Variants in PTPRD observed in about 807,000 individuals in gnomAD.
PTPRD encodes protein tyrosine phosphatase receptor type D, also known as receptor-type tyrosine-protein phosphatase delta.
In PTPRD, 34 loss-of-function variants were observed where a neutral mutation model predicts 214.5. That is an observed-to-expected ratio of 0.16 (90% CI 0.12 to 0.21). PTPRD has a LOEUF of 0.21. Among genes scored for constraint, PTPRD ranks in the 10% least tolerant of loss-of-function variants. The pLI, the probability that PTPRD is intolerant of heterozygous loss-of-function variation, is 1.00. For missense variants in PTPRD, 2,545 were observed against 2,398.7 expected (o/e 1.06, Z -1.27); for synonymous variants, 1,128 against 845.7 (o/e 1.33, Z -5.79).
At chr9:9,594,310 C>A (rs2093061406) in intron 7 of PTPRD, among the ~76,000 whole-genome samples, 1 of 151,980 alleles carries the variant, frequency 6.6e-6, no homozygotes, top group South Asian at 2.1e-4. Flanking sequence ...GTTCTTATGG[C>A]ATTTGCTTTT....
chr9:9,871,460 A>G (rs889934643), intron 5 of PTPRD, among the ~76,000 whole-genome samples: 1 of 152,214 alleles, frequency 6.6e-6, no homozygotes, highest in Non-Finnish European at 1.5e-5. Flanking sequence ...AGTATACGAA[A>G]GGATGGGTGA....
chr9:9,338,086 T>C (rs920993741), intron 9 of PTPRD, among the ~76,000 whole-genome samples: 1 of 152,194 alleles, frequency 6.6e-6, no homozygotes, highest in African/African-American at 2.4e-5. Context: ...AAATTACATC[T>C]GAAAAATATC....
At position 8,713,452 on chromosome 9, in the gene PTPRD, G is replaced by A. The variant is rs1036166045; in HGVS notation, c.64+20328C>T. The A allele has an allele frequency of 1.4e-5, 15 of 1,108,544 alleles. No individual in the cohort carries two copies. The East Asian group carries it at 1.4e-4, about 10-fold the overall frequency. The allele number at this position is 1,108,544 out of a possible 1,614,324, so 68.7% of individuals were successfully genotyped here. A position where few individuals can be genotyped will look rare whatever the true frequency, so the allele number is the denominator to read the frequency against. On this transcript the variant is annotated intron_variant, in intron 12 of 45. Transcript: ENST00000381196. ...CGCCAAGTCCCGCTTCTGGTACTTC[G>A]TATCTCAGTTAAAGAAAATGAAGAA...
chr9:8,821,783 G>C (rs1257856279), intron 11 of PTPRD, among the ~76,000 whole-genome samples: 3 of 152,170 alleles, frequency 2.0e-5, no homozygotes, highest in African/African-American at 7.2e-5. Context: ...CTCTGCCTCA[G>C]CCTCCCGAGT....
chr9:9,131,994 G>GT (rs2099843473), intron 10 of PTPRD, among the ~76,000 whole-genome samples: 1 of 151,810 alleles, frequency 6.6e-6, no homozygotes, highest in African/African-American at 2.4e-5. Flanking sequence ...AGGGCCACTA[G>GT]TTTTTTGTTT....
chr9:8,816,900 T>G (rs935349827), intron 11 of PTPRD, among the ~76,000 whole-genome samples: 10 of 152,242 alleles, frequency 6.6e-5, no homozygotes, highest in Admixed American at 2.6e-4. Flanking sequence ...TCTTGCATCT[T>G]GCTGAATCTT....
At chr9:8,321,526 T>TATATATATATATATATATATAA (rs1327118226) in intron 44 of PTPRD, among the ~76,000 whole-genome samples, 2 of 115,760 alleles carry the variant, frequency 1.7e-5, no homozygotes, top group Non-Finnish European at 3.7e-5. Context: ...TATATATATA[T>TATATATATATATATATATATAA]AAAAGGTATA....
At chr9:9,582,308 T>C (rs879277564) in intron 7 of PTPRD, among the ~76,000 whole-genome samples, 34 of 151,846 alleles carry the variant, frequency 2.2e-4, no homozygotes, top group Non-Finnish European at 3.5e-4. Context: ...GGCATGTTCC[T>C]CTTTGTCCCT....
chr9:10,461,213 C>A (rs868014155), intron 2 of PTPRD, among the ~76,000 whole-genome samples: 1 of 140,640 alleles, frequency 7.1e-6, no homozygotes, highest in African/African-American at 2.7e-5. Flanking sequence ...GTTAGGATAA[C>A]TATTATAAAA....
At chr9:10,416,590 A>T (rs1004953728) in intron 2 of PTPRD, among the ~76,000 whole-genome samples, 1 of 151,906 alleles carries the variant, frequency 6.6e-6, no homozygotes, top group Non-Finnish European at 1.5e-5. Flanking sequence ...AACAGTGAAA[A>T]TTGTCAAATA....
chr9:10,250,700 G>A (rs1444446649), intron 3 of PTPRD, among the ~76,000 whole-genome samples: 2 of 151,932 alleles, frequency 1.3e-5, no homozygotes, highest in Non-Finnish European at 2.9e-5. Context: ...TGGAACTATA[G>A]GCTATATGTT....
At chr9:10,472,842 T>A (rs192680971) in intron 2 of PTPRD, among the ~76,000 whole-genome samples, 269 of 151,974 alleles carry the variant, frequency 1.8e-3, no homozygotes, top group African/African-American at 5.8e-3. Context: ...TAATTATAAC[T>A]CAAGTTATTT....
intron 8 of PTPRD, among the ~76,000 whole-genome samples, chr9:9,565,977 G>C (rs1425958638): frequency 6.6e-6 from 1 of 151,890 alleles, no homozygotes; most frequent in African/African-American, 2.4e-5. Context: ...GTGTCAGATG[G>C]ATTTATAAAT....
chr9:10,145,790 A>T (rs1162624794), intron 3 of PTPRD, among the ~76,000 whole-genome samples: 1 of 152,142 alleles, frequency 6.6e-6, no homozygotes, highest in Non-Finnish European at 1.5e-5. Flanking sequence ...TCAAAGTATG[A>T]TATGATATGC....
At chr9:9,332,693 T>C (rs1436925473) in intron 9 of PTPRD, among the ~76,000 whole-genome samples, 1 of 151,906 alleles carries the variant, frequency 6.6e-6, no homozygotes, top group African/African-American at 2.4e-5. Context: ...TTTGAAGTAA[T>C]TGGTTCACAG....
intron 2 of PTPRD, among the ~76,000 whole-genome samples, chr9:10,456,110 G>A (rs941801859): frequency 6.6e-6 from 1 of 151,750 alleles, no homozygotes; most frequent in Admixed American, 6.6e-5. Flanking sequence ...GATAGTTTGG[G>A]CTCATTAAGT....
chr9:9,846,034 TA>T (rs1286138121), intron 5 of PTPRD, among the ~76,000 whole-genome samples: 16 of 152,240 alleles, frequency 1.1e-4, no homozygotes, highest in Non-Finnish European at 1.9e-4. Flanking sequence ...TGAGAAAGAG[TA>T]ATTCCTAGTG....
At chr9:9,534,463 G>A (rs960102878) in intron 8 of PTPRD, among the ~76,000 whole-genome samples, 1 of 152,014 alleles carries the variant, frequency 6.6e-6, no homozygotes, top group African/African-American at 2.4e-5. Context: ...GAGACATGAG[G>A]TGATATTTAT....
chr9:9,208,039 A>ATTTTTTTTTTTTTTTTTTTTTTTTT (rs1334776647), intron 9 of PTPRD, among the ~76,000 whole-genome samples: 3 of 5,552 alleles, frequency 5.4e-4, no homozygotes, highest in Non-Finnish European at 1.0e-3. Context: ...TTTTTTTTTG[A>ATTTTTTTTTTTTTTTTTTTTTTTTT]GACAGAGCTT....
Sources: allele counts gnomAD v4.1 joint callset (sites outside exome capture counted in the v4.1 genomes callset), GRCh38; gene constraint gnomAD v4.1.1; transcripts MANE v1.5; gene names NCBI Gene and HGNC (gene_info 2026-07-23, HGNC 2026-07-21).